Variants in PDE6C observed in about 807,000 individuals in gnomAD.
PDE6C encodes the protein cone cGMP-specific 3',5'-cyclic phosphodiesterase subunit alpha'.
In PDE6C, 75 loss-of-function variants were observed where a neutral mutation model predicts 113.1. That is an observed-to-expected ratio of 0.66 (90% CI 0.55 to 0.80). The LOEUF (loss-of-function observed/expected upper bound fraction) is 0.80. PDE6C is among the 30% of genes least tolerant of loss of function. PDE6C has a pLI of 0.00. For synonymous variants in PDE6C, 375 were observed against 363.7 expected (o/e 1.03, Z -0.35); for missense variants, 912 against 1,038.6 (o/e 0.88, Z 1.67).
At chr10:93,654,179 G>A (rs1310441563) in intron 15 of PDE6C, among the ~76,000 whole-genome samples, 1 of 152,228 alleles carries the variant, frequency 6.6e-6, no homozygotes, top group African/African-American at 2.4e-5. Context: ...CATAGACTAA[G>A]TGCTAGGCAG....
At chr10:93,621,732 C>G (rs539357476) in intron 3 of PDE6C, among the ~76,000 whole-genome samples, 200 bp from the exon 4 acceptor site, 1 of 152,168 alleles carries the variant, frequency 6.6e-6, no homozygotes. Flanking sequence ...AGACCCGCAG[C>G]CTTGCAAAAG....
Position 93,638,359 on chromosome 10 carries a change from A to T in PDE6C, c.1482+1296A>T, listed in dbSNP as rs768709560. Among the ~76,000 whole-genome samples, 6 of 151,788 alleles carry T rather than the reference A, an allele frequency of 4.0e-5. No homozygotes were observed. The South Asian group carries it at 1.3e-3, about 32-fold the overall frequency. On this transcript the variant is annotated intron_variant, in intron 11 of 21. Transcript: ENST00000371447. ...GCTTACTTCCCACCCCCGTGTTTTC[A>T]TGTCATCTGAGGTTCCCTTTTCTCC...
chr10:93,625,726 G>C, intron 5 of PDE6C, 77 bp downstream of exon 5: 1 of 977,536 alleles, frequency 1.0e-6, no homozygotes, highest in Non-Finnish European at 1.6e-6. Flanking sequence ...AGTGCATAGA[G>C]CACTGGCCTG....
intron 5 of PDE6C, 80 bp downstream of exon 5, chr10:93,625,729 C>G: frequency 1.0e-6 from 1 of 955,770 alleles, no homozygotes; most frequent in Non-Finnish European, 1.7e-6. Context: ...GCATAGAGCA[C>G]TGGCCTGGGA....
At chr10:93,651,969 T>C (rs981099722) in intron 15 of PDE6C, among the ~76,000 whole-genome samples, 1 of 152,138 alleles carries the variant, frequency 6.6e-6, no homozygotes, top group Non-Finnish European at 1.5e-5. Context: ...AGTCTGTGTT[T>C]ACTTACTAAA....
rs113353341 is a variant in PDE6C, at chr10:93,660,644, G to A, written c.2209-1415G>A. 6.4e-3 allele frequency among the ~76,000 whole-genome samples: 975 copies of A among 152,146 alleles called. 13 individuals are homozygous for A. The highest frequency in any genetic ancestry group is 0.022 in the African/African-American group (920 of 41,508). On this transcript the variant is annotated intron_variant, in intron 18 of 21. Transcript: ENST00000371447. ...AAAATATTTGGGGGCAGGGTGTCCT[G>A]AACTCCGTCACCATCAAGTCCAAAA...
intron 15 of PDE6C, among the ~76,000 whole-genome samples, chr10:93,652,433 G>T (rs141300536): frequency 6.6e-6 from 1 of 152,122 alleles, no homozygotes; most frequent in Non-Finnish European, 1.5e-5. Flanking sequence ...GCTTGTACAT[G>T]TTTTTAGATA....
At chr10:93,658,235 A>G (rs2058649704) in intron 16 of PDE6C, among the ~76,000 whole-genome samples, 1 of 151,666 alleles carries the variant, frequency 6.6e-6, no homozygotes. Context: ...AGAAAAAGAA[A>G]AATACCACAT....
chr10:93,640,372 T>C (rs1589699789), intron 12 of PDE6C, 78 bp from the exon 13 acceptor site: 1 of 1,290,856 alleles, frequency 7.7e-7, no homozygotes, highest in Non-Finnish European at 1.1e-6. Flanking sequence ...CCAACACATC[T>C]TTTTAGATAA....
In PDE6C at chr10:93,613,183, A is replaced by G; in HGVS notation, c.458A>G (p.His153Arg). The G allele has an allele frequency of 1.2e-6, 2 of 1,613,582 alleles. No individual in the cohort carries two copies. The highest frequency in any genetic ancestry group is 1.7e-6 in the Non-Finnish European group (2 of 1,179,824). ...VGWAAHTKKT[H>R]NVPDVKKNSH... ...TGGGCTGCTCACACGAAGAAAACTC[A>G]TAATGTCCCAGATGTGAAAAAGGTA... Residue 153 changes from histidine to arginine, a missense_variant, in exon 1 of 22, where the codon CAT becomes CGT. His to Arg is a conservative substitution (Grantham distance 29, BLOSUM62 0). Transcript: ENST00000371447.
chr10:93,628,797 C>A (rs2058486517), intron 7 of PDE6C, among the ~76,000 whole-genome samples: 1 of 152,138 alleles, frequency 6.6e-6, no homozygotes, highest in Non-Finnish European at 1.5e-5. Context: ...TGAATCCTTA[C>A]TTTGGTGTAA....
At chr10:93,620,241 G>A (rs11187554) in intron 1 of PDE6C, among the ~76,000 whole-genome samples, 13,018 of 152,032 alleles carry the variant, frequency 0.086, 965 homozygotes, top group East Asian at 0.3. Context: ...AGAGAGAAGC[G>A]CTCTATGAAC....
intron 8 of PDE6C, among the ~76,000 whole-genome samples, chr10:93,633,973 C>G (rs964489420): frequency 1.3e-5 from 2 of 152,074 alleles, no homozygotes; most frequent in Admixed American, 6.5e-5. Context: ...ATGGTCCTAG[C>G]CATGTTCTGA....
intron 15 of PDE6C, among the ~76,000 whole-genome samples, chr10:93,655,345 G>A (rs150902821): frequency 3.5e-4 from 53 of 152,048 alleles, no homozygotes; most frequent in Middle Eastern, 3.4e-3. Context: ...AAAATTACCT[G>A]GTAGATAAAG....
rs1342671616 is a variant in PDE6C, at chr10:93,620,666, C to G, written c.515C>G (p.Thr172Ser). ...SHFSDFMDKQ[T>S]GYVTKNLLAT... ...TTTTCTGACTTCATGGACAAGCAAA[C>G]TGGGTATGTCACTAAGAACCTGCTG... Residue 172 changes from threonine (T) to serine (S), a missense_variant, in exon 2 of 22, where the codon ACT (threonine) becomes AGT (serine). Physicochemically the swap from Thr to Ser is moderately conservative, Grantham distance 58. Coordinates refer to ENST00000371447, the MANE Select transcript of PDE6C (RefSeq NM_006204.4). 1 of 1,614,120 alleles carries G rather than the reference C, an allele frequency of 6.2e-7. No individual in the cohort carries two copies. The highest frequency in any genetic ancestry group is 8.5e-7 in the Non-Finnish European group (1 of 1,180,004).
intron 18 of PDE6C, among the ~76,000 whole-genome samples, chr10:93,659,676 C>T (rs12412552): frequency 0.086 from 13,073 of 152,176 alleles, 643 homozygotes; most frequent in East Asian, 0.25. Context: ...TACTTAATAT[C>T]ACTAGAACAG....
At chr10:93,662,991 A>G in intron 20 of PDE6C, 37 bp from the exon 21 acceptor site, 1 of 1,565,490 alleles carries the variant, frequency 6.4e-7, no homozygotes, top group South Asian at 1.1e-5. Context: ...AATTAACTGT[A>G]TGATTTATGT....
chr10:93,621,083 C>A, intron 3 of PDE6C, 103 bp downstream of exon 3: 1 of 900,154 alleles, frequency 1.1e-6, no homozygotes, highest in Non-Finnish European at 1.9e-6. Context: ...GGGGTGTAAG[C>A]CACGTGGAAC....
rs1331131536 is a variant in PDE6C, at chr10:93,636,916, T to C, written c.1414-79T>C. On this transcript the variant is annotated intron_variant, in intron 10 of 21. Coordinates refer to ENST00000371447, the MANE Select transcript of PDE6C (RefSeq NM_006204.4). Reference sequence around the variant, plus strand: ...CCACATATTTTAAATATATCTTAACTAAGATTGTAATAGTAGAGGAATCAG... The same window carrying C: ...CCACATATTTTAAATATATCTTAACCAAGATTGTAATAGTAGAGGAATCAG... The C allele has an allele frequency of 4.9e-6, 4 of 814,820 alleles. No homozygotes were observed. The African/African-American group carries it at 6.7e-5, about 14-fold the overall frequency. The allele number at this position is 814,820 out of a possible 1,614,324, so 50.5% of individuals were successfully genotyped here.
Sources: allele counts gnomAD v4.1 joint callset (sites outside exome capture counted in the v4.1 genomes callset), GRCh38; gene constraint gnomAD v4.1.1; transcripts MANE v1.5; gene names NCBI Gene and HGNC (gene_info 2026-07-23, HGNC 2026-07-21).